Variants in BMPR1B observed in about 807,000 individuals in gnomAD.
BMPR1B encodes bone morphogenetic protein receptor type 1B.
In BMPR1B, 12 loss-of-function variants were observed where a neutral mutation model predicts 59.1. The observed-to-expected ratio is 0.20, with a 90% confidence interval of 0.13 to 0.33. The LOEUF (loss-of-function observed/expected upper bound fraction) is 0.33. Ranked by LOEUF, BMPR1B falls within the 10% of genes least tolerant of loss-of-function variation. The probability of loss-of-function intolerance (pLI) is 1.00; values close to 1 mark genes in which losing one functional copy is unlikely to be tolerated. For missense variants in BMPR1B, 550 were observed against 610.9 expected, an observed-to-expected ratio of 0.90 and a Z score of 1.05; for synonymous variants, 237 against 207.3, an observed-to-expected ratio of 1.14 and a Z score of -1.23.
At chr4:95,011,926 G>T (rs1723252822) in intron 3 of BMPR1B, among the ~76,000 whole-genome samples, 1 of 151,930 alleles carries the variant, frequency 6.6e-6, no homozygotes, top group Non-Finnish European at 1.5e-5. Context: ...AACTAGGGAA[G>T]GAGAATCTCT....
intron 1 of BMPR1B, among the ~76,000 whole-genome samples, chr4:94,806,963 ATAAT>A (rs1234236889): frequency 4.6e-5 from 7 of 152,268 alleles, no homozygotes; most frequent in Admixed American, 2.6e-4. Context: ...TTCATAATAA[ATAAT>A]AAATAGTAGA....
chr4:94,883,165 A>G (rs2148981753), intron 2 of BMPR1B, among the ~76,000 whole-genome samples: 1 of 152,244 alleles, frequency 6.6e-6, no homozygotes, highest in Admixed American at 6.5e-5. Context: ...TGATGAGAGA[A>G]CTGTATCAGC....
At chr4:94,894,553 C>T (rs1156268725) in intron 2 of BMPR1B, among the ~76,000 whole-genome samples, 2 of 151,606 alleles carry the variant, frequency 1.3e-5, no homozygotes, top group Non-Finnish European at 2.9e-5. Flanking sequence ...ACATTTTTTC[C>T]TTATTTTATT....
At position 94,888,011 on chromosome 4, in the gene BMPR1B, G is replaced by A. The variant is rs541688667; in HGVS notation, c.-113+12111G>A. Reference sequence around the variant, plus strand: ...CAAAAAGAGTGTGTCATCTACCAAAGGAAAATAATTAGACTAGCATTAGCT... The same window carrying A: ...CAAAAAGAGTGTGTCATCTACCAAAAGAAAATAATTAGACTAGCATTAGCT... On this transcript the variant is annotated intron_variant, in intron 2 of 12. Coordinates refer to ENST00000515059, the MANE Select transcript of BMPR1B (RefSeq NM_001203.3). Among the ~76,000 whole-genome samples, 5 of 151,980 alleles carry A rather than the reference G, an allele frequency of 3.3e-5. No individual in the cohort carries two copies. The East Asian group carries it at 7.7e-4, about 24-fold the overall frequency.
chr4:94,793,540 G>A (rs1578650121), intron 1 of BMPR1B, among the ~76,000 whole-genome samples: 3 of 149,764 alleles, frequency 2.0e-5, no homozygotes, highest in African/African-American at 7.4e-5. Flanking sequence ...CCCAGTAATG[G>A]GATGGCTGGG....
At chr4:94,772,553 C>T (rs1722224605) in intron 1 of BMPR1B, among the ~76,000 whole-genome samples, 1 of 151,978 alleles carries the variant, frequency 6.6e-6, no homozygotes, top group Non-Finnish European at 1.5e-5. Context: ...GTTAAATGAA[C>T]ACATTTTTGC....
intron 3 of BMPR1B, among the ~76,000 whole-genome samples, chr4:95,050,015 T>G (rs1337355374): frequency 6.6e-6 from 1 of 152,028 alleles, no homozygotes; most frequent in African/African-American, 2.4e-5. Flanking sequence ...CAGTGGGAGC[T>G]GTCCCACATT....
At chr4:94,803,002 C>T (rs1040569661) in intron 1 of BMPR1B, among the ~76,000 whole-genome samples, 1 of 152,100 alleles carries the variant, frequency 6.6e-6, no homozygotes, top group Non-Finnish European at 1.5e-5. Context: ...CTCTCTGGGG[C>T]ATCGTTTCTT....
intron 11 of BMPR1B, among the ~76,000 whole-genome samples, chr4:95,150,273 G>A (rs1027355302): frequency 3.3e-5 from 5 of 152,102 alleles, no homozygotes; most frequent in Non-Finnish European, 5.9e-5. Context: ...TAAGTGTAAA[G>A]AAGAAGTAAC....
chr4:94,898,405 C>T (rs954660259), intron 2 of BMPR1B, among the ~76,000 whole-genome samples: 1 of 152,130 alleles, frequency 6.6e-6, no homozygotes, highest in African/African-American at 2.4e-5. Flanking sequence ...TCACTTGTCA[C>T]GGGAGGCACC....
intron 1 of BMPR1B, among the ~76,000 whole-genome samples, chr4:94,817,991 A>G (rs1055926656): frequency 4.6e-5 from 7 of 152,180 alleles, no homozygotes; most frequent in Admixed American, 3.9e-4. Context: ...AATTAAATCA[A>G]TTAAATCAGA....
intron 12 of BMPR1B, 78 bp from the exon 13 acceptor site, chr4:95,154,470 A>G (rs1735269646): frequency 6.3e-7 from 1 of 1,590,058 alleles, no homozygotes; most frequent in African/African-American, 1.3e-5. Flanking sequence ...AACTTAATGA[A>G]CCTAAAACTA....
Position 94,883,683 on chromosome 4 carries a change from C to T in BMPR1B, c.-113+7783C>T, listed in dbSNP as rs139859124. On this transcript the variant is annotated intron_variant, in intron 2 of 12. Transcript: ENST00000515059. The stretch of plus-strand genomic sequence containing the variant: ...ATTAATGTGCTAATAATTATTTAGT[C>T]CCTTTGAAGTATTAAAGATATGTCA... 3.6e-3 allele frequency among the ~76,000 whole-genome samples: 546 copies of T among 151,900 alleles called. 5 individuals are homozygous for T. The highest frequency in any genetic ancestry group is 0.012 in the African/African-American group (516 of 41,418).
At chr4:94,975,357 GTTTTTGTTTTT>G (rs1730983811) in intron 2 of BMPR1B, among the ~76,000 whole-genome samples, 1 of 94,220 alleles carries the variant, frequency 1.1e-5, no homozygotes, top group Admixed American at 1.2e-4. Flanking sequence ...ATTTCCTTTT[GTTTTTGTTTTT>G]TTTTTTTTTT....
chr4:94,759,501 A>G (rs1372052406), intron 1 of BMPR1B, among the ~76,000 whole-genome samples: 2 of 152,246 alleles, frequency 1.3e-5, no homozygotes, highest in Non-Finnish European at 2.9e-5. Flanking sequence ...CTGTTTTCTT[A>G]CATATATTTT....
At chr4:95,119,274 T>G (rs1732299550) in intron 6 of BMPR1B, among the ~76,000 whole-genome samples, 1 of 152,222 alleles carries the variant, frequency 6.6e-6, no homozygotes, top group African/African-American at 2.4e-5. Context: ...AGTCGCAGTC[T>G]TAACGTATTT....
chr4:95,113,303 T>A (rs1282750894), intron 4 of BMPR1B, among the ~76,000 whole-genome samples: 1 of 152,172 alleles, frequency 6.6e-6, no homozygotes, highest in Non-Finnish European at 1.5e-5. Context: ...TCATTGGCCC[T>A]TTTTAGCCAT....
intron 2 of BMPR1B, among the ~76,000 whole-genome samples, chr4:94,879,279 C>T (rs922298421): frequency 6.6e-6 from 1 of 152,182 alleles, no homozygotes; most frequent in Admixed American, 6.5e-5. Flanking sequence ...GAACAAGGGA[C>T]TCTTAAAATG....
chr4:95,150,479 C>G (rs992563881), intron 11 of BMPR1B, among the ~76,000 whole-genome samples: 2 of 149,506 alleles, frequency 1.3e-5, no homozygotes, highest in African/African-American at 4.9e-5. Flanking sequence ...AACAAGTAGA[C>G]GAGCCTTTTA....
Sources: allele counts gnomAD v4.1 joint callset (sites outside exome capture counted in the v4.1 genomes callset), GRCh38; gene constraint gnomAD v4.1.1; transcripts MANE v1.5; gene names NCBI Gene and HGNC (gene_info 2026-07-23, HGNC 2026-07-21).